Variants in ARPC5 observed in about 807,000 individuals in gnomAD.
ARPC5 encodes actin-related protein 2/3 complex subunit 5.
Under a neutral mutation model 15.4 loss-of-function variants are expected in ARPC5, and 5 were observed. The ratio of observed to expected loss-of-function variants is 0.32; its 90% CI spans 0.17 to 0.68. ARPC5 has a LOEUF of 0.68. Ranked by LOEUF, ARPC5 falls within the 30% of genes least tolerant of loss-of-function variation. ARPC5 has a pLI of 0.71. For synonymous variants in ARPC5, 85 were observed against 72.2 expected, an observed-to-expected ratio of 1.18 and a Z score of -0.90; for missense variants, 138 against 192.8, an observed-to-expected ratio of 0.72 and a Z score of 1.68.
In ARPC5 at chr1:183,635,457, C is replaced by T. The variant is rs531493253; in HGVS notation, c.143+60G>A. 56 of 1,529,820 alleles carry T rather than the reference C, an allele frequency of 3.7e-5. No homozygotes were observed. The East Asian group carries it at 1.3e-3, about 34-fold the overall frequency. The allele number at this position is 1,529,820 out of a possible 1,614,324, so 94.8% of individuals were successfully genotyped here. On this transcript the variant is annotated intron_variant, in intron 1 of 3. Coordinates refer to ENST00000359856, the MANE Select transcript of ARPC5 (RefSeq NM_005717.4). ...CCGCGGATCCTGCAGGCTCCCGGGT[C>T]CCAGGAGAAGGGCGGGCTGGGCTGG...
In ARPC5 at chr1:183,635,718, C is replaced by T; in HGVS notation, c.-59G>A. The T allele has an allele frequency of 6.4e-7, 1 of 1,574,442 alleles. No homozygotes were observed. Among genetic ancestry groups the T allele is most frequent in the South Asian group, 1.2e-5 (1 of 85,128 alleles). On this transcript the variant is annotated 5_prime_UTR_variant, in exon 1 of 4. Transcript: ENST00000359856. ...GGCGCTGCCTCTACCTCAGCAAGCC[C>T]AGCCCAGCAACCCACTACCCGGCGC...
rs759925269 is a variant in ARPC5 at position 183,627,484 on chromosome 1, G to A, written c.*48C>T. The stretch of plus-strand genomic sequence containing the variant: ...GTGGCATTTGGTTGTTTTGGTCTTT[G>A]TACCAGCAATTCCCACTCCCGAGGC... On this transcript the variant is annotated 3_prime_UTR_variant, in exon 4 of 4. Transcript: ENST00000359856. 3.2e-6 allele frequency: 5 copies of A among 1,546,398 alleles called. No individual in the cohort carries two copies. Among genetic ancestry groups the A allele is most frequent in the Non-Finnish European group, 4.5e-6 (5 of 1,118,764 alleles).
Position 183,624,671 on chromosome 1 carries a change from T to A in ARPC5, c.*2861A>T, listed in dbSNP as rs970936498. On this transcript the variant is annotated 3_prime_UTR_variant, in exon 4 of 4. Transcript: ENST00000359856. ...GCCCCTCCAAAGGATTAGTTCAAAT[T>A]AATGTCTCACTTTAAATACTCTGAT... The A allele has an allele frequency of 2.6e-5, 4 of 151,094 alleles. No individual in the cohort carries two copies. The highest frequency in any genetic ancestry group is 9.9e-5 in the African/African-American group (4 of 40,416). The allele number at this position is 151,094 out of a possible 1,614,324, so 9.4% of individuals were successfully genotyped here.
At chr1:183,633,515 C>T (rs889687697) in intron 1 of ARPC5, 9 of 156,806 alleles carry the variant, frequency 5.7e-5, no homozygotes, top group Non-Finnish European at 1.1e-4. Flanking sequence ...AATGAAATAA[C>T]CTATTATCAA....
intron 3 of ARPC5, among the ~76,000 whole-genome samples, chr1:183,628,487 C>T (rs1649176372): frequency 6.6e-6 from 1 of 152,110 alleles, no homozygotes; most frequent in Admixed American, 6.5e-5. Context: ...TATGGAATAC[C>T]TTTGTATACT....
At position 183,621,993 on chromosome 1, in the gene ARPC5, T is replaced by C. The variant is rs578099623; in HGVS notation, c.*5539A>G. 19 of 152,344 alleles carry C rather than the reference T, an allele frequency of 1.2e-4. No individual in the cohort carries two copies. The highest frequency in any genetic ancestry group is 4.6e-4 in the African/African-American group (19 of 41,578). 9.4% of individuals were successfully genotyped at this position (152,344 alleles called of 1,614,324 possible). ...CAGCTTCTATTCAAGAAGGAATTGC[T>C]CTGGTTCAAATGCCTCTGAAGGGAA... On this transcript the variant is annotated 3_prime_UTR_variant, in exon 4 of 4. Coordinates refer to ENST00000359856, the MANE Select transcript of ARPC5 (RefSeq NM_005717.4).
In ARPC5 at chr1:183,625,983, T is replaced by G. The variant is rs1649085572; in HGVS notation, c.*1549A>C. ...GTGATACTACATATAGGTATTCAGCTGCCATCCAGAAGGCTATGGAATCAC... is the reference window on the plus strand; with the variant it reads ...GTGATACTACATATAGGTATTCAGCGGCCATCCAGAAGGCTATGGAATCAC... On this transcript the variant is annotated 3_prime_UTR_variant, in exon 4 of 4. Coordinates refer to ENST00000359856, the MANE Select transcript of ARPC5 (RefSeq NM_005717.4). 1 of 152,226 alleles carries G rather than the reference T, an allele frequency of 6.6e-6. No individual in the cohort carries two copies. The highest frequency in any genetic ancestry group is 2.4e-5 in the African/African-American group (1 of 41,456). The allele number at this position is 152,226 out of a possible 1,614,324, so 9.4% of individuals were successfully genotyped here.
In ARPC5 at chr1:183,623,274, T is replaced by C; in HGVS notation, c.*4258A>G. ...AATAAGAGATGTAAACATAGATTAT[T>C]TATGTTGATTACTCTTACACACTCA... On this transcript the variant is annotated 3_prime_UTR_variant, in exon 4 of 4. Transcript: ENST00000359856. 1 of 710,768 alleles carries C rather than the reference T, an allele frequency of 1.4e-6. No individual in the cohort carries two copies. Among genetic ancestry groups the C allele is most frequent in the Non-Finnish European group, 2.4e-6 (1 of 424,034 alleles). 44.0% of individuals were successfully genotyped at this position (710,768 alleles called of 1,614,324 possible).
At chr1:183,628,573 A>G (rs904765276) in intron 3 of ARPC5, among the ~76,000 whole-genome samples, 5 of 152,250 alleles carry the variant, frequency 3.3e-5, no homozygotes, top group Non-Finnish European at 7.3e-5. Context: ...GGAGACAGAC[A>G]TATAAACAGG....
intron 1 of ARPC5, among the ~76,000 whole-genome samples, chr1:183,634,872 T>C (rs1350430075): frequency 6.6e-6 from 1 of 151,504 alleles, no homozygotes; most frequent in African/African-American, 2.4e-5. Flanking sequence ...AGTTAACAAA[T>C]TCTGTACAAT....
At chr1:183,632,764 CA>C (rs1432883862) in intron 2 of ARPC5, 2 of 186,278 alleles carry the variant, frequency 1.1e-5, no homozygotes, top group African/African-American at 4.8e-5. Flanking sequence ...AAAGCAATTA[CA>C]ATCTGTTTAT....
chr1:183,629,999 G>A (rs1010028629), intron 3 of ARPC5, among the ~76,000 whole-genome samples: 2 of 152,062 alleles, frequency 1.3e-5, no homozygotes, highest in African/African-American at 4.8e-5. Context: ...GTTCTTTTGT[G>A]TTTGGCTCAT....
rs1649477559 is a variant in ARPC5 at position 183,635,742 on chromosome 1, G to A, written c.-83C>T. The A allele has an allele frequency of 6.5e-7, 1 of 1,532,560 alleles. No individual in the cohort carries two copies. The highest frequency in any genetic ancestry group is 8.8e-7 in the Non-Finnish European group (1 of 1,135,354). 94.9% of individuals were successfully genotyped at this position (1,532,560 alleles called of 1,614,324 possible). On this transcript the variant is annotated 5_prime_UTR_variant, in exon 1 of 4. Transcript: ENST00000359856. ...CCAGCCCAGCAACCCACTACCCGGC[G>A]CCTGATTCACTTCCCTCTTCCGCTC...
At position 183,631,755 on chromosome 1, in the gene ARPC5, A is replaced by C. The variant is rs186776210; in HGVS notation, c.217-1118T>G. The C allele has an allele frequency of 6.6e-5, 10 of 152,338 alleles. No homozygotes were observed. The East Asian group carries it at 1.9e-3, about 29-fold the overall frequency. 9.4% of individuals were successfully genotyped at this position (152,338 alleles called of 1,614,324 possible). On this transcript the variant is annotated intron_variant, in intron 2 of 3. Coordinates refer to ENST00000359856, the MANE Select transcript of ARPC5 (RefSeq NM_005717.4). ...TGTAATTTATATGAATTGACTGTAG[A>C]TATGAAATATAGTGATGTTCATTAA...
Position 183,622,514 on chromosome 1 carries a change from C to T in ARPC5, c.*5018G>A, listed in dbSNP as rs1029931231. ...GGGTTGACAGAATTAGAAAAATCTA[C>T]GTATAAAGTCAAGGACGGTGATATA... On this transcript the variant is annotated 3_prime_UTR_variant, in exon 4 of 4. Coordinates refer to ENST00000359856, the MANE Select transcript of ARPC5 (RefSeq NM_005717.4). 1 of 152,238 alleles carries T rather than the reference C, an allele frequency of 6.6e-6. No homozygotes were observed. The highest frequency in any genetic ancestry group is 3.4e-3 in the Middle Eastern group (1 of 294). 9.4% of individuals were successfully genotyped at this position (152,238 alleles called of 1,614,324 possible).
chr1:183,630,361 T>A (rs983425181), intron 3 of ARPC5, 100 bp downstream of exon 3: 8 of 994,218 alleles, frequency 8.0e-6, no homozygotes, highest in African/African-American at 1.7e-5. Flanking sequence ...ATAACAAAAA[T>A]GTACAACAAA....
chr1:183,622,887 C>T lies in ARPC5; in HGVS notation c.*4645G>A, dbSNP rs991464967. On this transcript the variant is annotated 3_prime_UTR_variant, in exon 4 of 4. Coordinates refer to ENST00000359856, the MANE Select transcript of ARPC5 (RefSeq NM_005717.4). ...ATTTGAACCCAAGAATTATTTTACT[C>T]TTTGTATAGTTCTCAATTTGTACTT... The T allele has an allele frequency of 6.5e-6, 1 of 153,526 alleles. No homozygotes were observed. Among genetic ancestry groups the T allele is most frequent in the African/African-American group, 2.4e-5 (1 of 41,456 alleles). The allele number at this position is 153,526 out of a possible 1,614,324, so 9.5% of individuals were successfully genotyped here.
chr1:183,624,692 C>G lies in ARPC5; in HGVS notation c.*2840G>C, dbSNP rs1170681264. On this transcript the variant is annotated 3_prime_UTR_variant, in exon 4 of 4. Transcript: ENST00000359856. ...AAATTAATGTCTCACTTTAAATACT[C>G]TGATCCACCCTGATTTTGTTGTTCT... is the stretch of plus-strand genomic sequence containing the variant. 1.3e-5 allele frequency: 2 copies of G among 151,526 alleles called. No homozygotes were observed. Among genetic ancestry groups the G allele is most frequent in the African/African-American group, 2.4e-5 (1 of 40,910 alleles). The allele number at this position is 151,526 out of a possible 1,614,324, so 9.4% of individuals were successfully genotyped here. A position where few individuals can be genotyped will look rare whatever the true frequency, so the allele number is the denominator to read the frequency against.
chr1:183,635,462 G>T, intron 1 of ARPC5, 55 bp downstream of exon 1: 1 of 1,452,228 alleles, frequency 6.9e-7, no homozygotes. Flanking sequence ...CGGGTCCCAG[G>T]AGAAGGGCGG....
Sources: gnomAD v4.1 joint callset for allele counts (sites outside exome capture counted in the v4.1 genomes callset) on GRCh38, gnomAD v4.1.1 for gene constraint, MANE v1.5 for transcripts, NCBI Gene and HGNC (gene_info 2026-07-23, HGNC 2026-07-21) for gene names.